Variants in ZNHIT3 observed in about 807,000 individuals in gnomAD.
ZNHIT3 encodes zinc finger HIT domain-containing protein 3.
In ZNHIT3, 27 loss-of-function variants were observed where a neutral mutation model predicts 19.9. That is an observed-to-expected ratio of 1.36 (90% confidence interval 1.00 to 1.87). The LOEUF (loss-of-function observed/expected upper bound fraction) is 1.87, where lower values mean the gene tolerates loss of function less well. Ranked by LOEUF, ZNHIT3 falls within the 40% of genes most tolerant of loss-of-function variation. ZNHIT3 has a pLI of 0.00. For synonymous variants in ZNHIT3, 81 were observed against 65.7 expected, an observed-to-expected ratio of 1.23 and a Z score of -1.13; for missense variants, 215 against 185.6, an observed-to-expected ratio of 1.16 and a Z score of -0.92.
downstream of ZNHIT3, among the ~76,000 whole-genome samples, chr17:36,497,135 G>A (rs1319076535): frequency 6.6e-6 from 1 of 151,580 alleles, no homozygotes; most frequent in African/African-American, 2.4e-5. Context: ...TTTGAGACCA[G>A]CCTGGCCAAT....
chr17:36,498,955 G>A (rs1049472545), downstream of ZNHIT3: 5 of 742,912 alleles, frequency 6.7e-6, no homozygotes, highest in South Asian at 6.4e-5. Flanking sequence ...GGCTCAGAGA[G>A]GCTAAACAAC....
intron 2 of ZNHIT3, 75 bp downstream of exon 2, chr17:36,487,041 C>T (rs2070578778): frequency 1.3e-6 from 2 of 1,574,864 alleles, no homozygotes; most frequent in Admixed American, 3.8e-5. Flanking sequence ...GTCTTGGGGG[C>T]GTGGACCCTT....
chr17:36,488,681 CTTTTTAATATTTG>C (rs1325325293), intron 2 of ZNHIT3, among the ~76,000 whole-genome samples: 1 of 152,004 alleles, frequency 6.6e-6, no homozygotes, highest in African/African-American at 2.4e-5. Flanking sequence ...GTTGATTTTT[CTTTTTAATATTTG>C]TTTTTAATTG....
downstream of ZNHIT3, chr17:36,498,695 C>G: frequency 2.1e-6 from 2 of 960,594 alleles, no homozygotes; most frequent in East Asian, 5.3e-5. Flanking sequence ...GCTGGCTGCC[C>G]TGAACCAAAC....
chr17:36,487,995 A>G (rs4796225), intron 2 of ZNHIT3, among the ~76,000 whole-genome samples: 61,104 of 149,012 alleles, frequency 0.41, 12,540 homozygotes, highest in Middle Eastern at 0.5. Flanking sequence ...CTACTCAGGA[A>G]GCAGAGGTGG....
At chr17:36,498,625 C>A, downstream of ZNHIT3, 1 of 1,472,886 alleles carries the variant, frequency 6.8e-7, no homozygotes, top group South Asian at 1.3e-5. Flanking sequence ...AAATGGAAAT[C>A]AAAACTATCT....
At chr17:36,493,814 A>G (rs1405794920) in intron 3 of ZNHIT3, 112 bp from the exon 4 acceptor site, 4 of 738,768 alleles carry the variant, frequency 5.4e-6, no homozygotes, top group Admixed American at 4.3e-5. Context: ...GAATACCCCT[A>G]TCACTATCAC....
downstream of ZNHIT3, chr17:36,498,674 G>T: frequency 8.0e-7 from 1 of 1,256,752 alleles, no homozygotes; most frequent in Non-Finnish European, 1.1e-6. Flanking sequence ...GAAGGCACCT[G>T]GTTGCAAACA....
chr17:36,494,065 T>C (rs1380275248), intron 4 of ZNHIT3, 59 bp downstream of exon 4: 1 of 1,405,738 alleles, frequency 7.1e-7, no homozygotes, highest in Non-Finnish European at 9.9e-7. Flanking sequence ...GTAAGGATTG[T>C]GATTTTTTAA....
Position 36,495,737 on chromosome 17 carries a change from CA to C in ZNHIT3, c.*337del, listed in dbSNP as rs1326609196. 1.6e-6 allele frequency: 2 copies of C among 1,246,006 alleles called. No individual in the cohort carries two copies. Among genetic ancestry groups the C allele is most frequent in the Non-Finnish European group, 2.0e-6 (2 of 996,402 alleles). The allele number at this position is 1,246,006 out of a possible 1,614,324, so 77.2% of individuals were successfully genotyped here. On this transcript the variant is annotated 3_prime_UTR_variant, in exon 5 of 5. Coordinates refer to ENST00000617429, the MANE Select transcript of ZNHIT3 (RefSeq NM_004773.4). ...TAAACTTGGTCAGTGTTAATAAAAT[CA>C]AAACGTGATTCTACTGTACATTGCA...
intron 2 of ZNHIT3, chr17:36,491,183 T>C (rs747141007): frequency 1.3e-5 from 2 of 152,204 alleles, no homozygotes; most frequent in Non-Finnish European, 2.9e-5. Context: ...TTTCTTGATA[T>C]TCTTTGGAGG....
At chr17:36,490,287 A>G (rs952089613) in intron 2 of ZNHIT3, 3 of 152,184 alleles carry the variant, frequency 2.0e-5, no homozygotes, top group African/African-American at 7.2e-5. Context: ...ATTCTTCTGC[A>G]TATGGTTATT....
chr17:36,489,770 AG>A (rs1187784951), intron 2 of ZNHIT3: 1 of 151,924 alleles, frequency 6.6e-6, no homozygotes, highest in Non-Finnish European at 1.5e-5. Context: ...CTGGGATTAC[AG>A]GTGCCTGCTG....
At chr17:36,492,927 A>G (rs1413061028) in intron 3 of ZNHIT3, 28 bp downstream of exon 3, 2 of 1,600,506 alleles carry the variant, frequency 1.2e-6, no homozygotes, top group South Asian at 1.1e-5. Context: ...AAACAAATCT[A>G]CAAGGGACTT....
chr17:36,487,549 T>A (rs1007836071), intron 2 of ZNHIT3, among the ~76,000 whole-genome samples: 8 of 152,194 alleles, frequency 5.3e-5, no homozygotes, highest in Admixed American at 2.6e-4. Flanking sequence ...GTCCCGGCAC[T>A]TTGAGAGGCC....
intron 2 of ZNHIT3, chr17:36,491,329 T>A (rs951207735): frequency 6.6e-6 from 1 of 151,908 alleles, no homozygotes; most frequent in Non-Finnish European, 1.5e-5. Context: ...AGACTCTCGT[T>A]TTCTTTTTTT....
chr17:36,489,590 T>G (rs1453323561), intron 2 of ZNHIT3: 2 of 152,080 alleles, frequency 1.3e-5, no homozygotes, highest in Non-Finnish European at 2.9e-5. Flanking sequence ...TTTATATGTC[T>G]TCTTTTGAGA....
chr17:36,497,468 C>T (rs1334929345), downstream of ZNHIT3: 2 of 881,494 alleles, frequency 2.3e-6, no homozygotes, highest in African/African-American at 3.6e-5. Flanking sequence ...CCTCACAACC[C>T]AAGTTGTGAT....
chr17:36,489,668 G>C (rs930915990), intron 2 of ZNHIT3: 1 of 148,984 alleles, frequency 6.7e-6, no homozygotes, highest in Non-Finnish European at 1.5e-5. Context: ...TGCTCTTGTC[G>C]CCCGGGCTGG....
Sources: gnomAD v4.1 joint callset for allele counts (sites outside exome capture counted in the v4.1 genomes callset) on GRCh38, gnomAD v4.1.1 for gene constraint, MANE v1.5 for transcripts, NCBI Gene and HGNC (gene_info 2026-07-23, HGNC 2026-07-21) for gene names.